NEDD4: variants seen among roughly 807,000 people sequenced by gnomAD.
NEDD4 encodes the protein E3 ubiquitin-protein ligase NEDD4.
Under a neutral mutation model 144.9 loss-of-function variants are expected in NEDD4, and 99 were observed. The observed-to-expected ratio is 0.68, with a 90% CI of 0.58 to 0.81. The LOEUF (loss-of-function observed/expected upper bound fraction) is 0.81, where lower values mean the gene tolerates loss of function less well. Among genes scored for constraint, NEDD4 ranks in the 30% least tolerant of loss-of-function variants. NEDD4 has a pLI of 0.00. For missense variants in NEDD4, 985 were observed against 1,065.9 expected, an observed-to-expected ratio of 0.92 and a Z score of 1.06; for synonymous variants, 318 against 350.6, an observed-to-expected ratio of 0.91 and a Z score of 1.04.
Position 55,985,789 on chromosome 15 carries a change from G to A in NEDD4, c.45+7722C>T, listed in dbSNP as rs987669653. Among the ~76,000 whole-genome samples, 16 of 137,644 alleles carry A rather than the reference G, an allele frequency of 1.2e-4. No homozygotes were observed. The East Asian group carries it at 2.4e-3, about 21-fold the overall frequency. The allele number at this position is 137,644 out of a possible 152,430, so 90.3% of individuals were successfully genotyped here. ...CACACACACACACACACACACACAC[G>A]CTTAACTGTTCAGAGATGGTCCAAG... On this transcript the variant is annotated intron_variant, in intron 1 of 28. Transcript: ENST00000435532.
rs554855435 is a variant in NEDD4, at chr15:55,876,700, A to T, written c.292-2692T>A. ...ACAGAAATAAACTGCACATTCTGAG[A>T]GCTAAATCCAGCCATATAAATTATG... On this transcript the variant is annotated intron_variant, in intron 5 of 28. Coordinates refer to ENST00000435532, the MANE Select transcript of NEDD4 (RefSeq NM_006154.4). Among the ~76,000 whole-genome samples the T allele has an allele frequency of 8.5e-4, 130 of 152,298 alleles. 2 individuals are homozygous for T. Among genetic ancestry groups the T allele is most frequent in the African/African-American group, 3.0e-3 (123 of 41,556 alleles).
At chr15:55,841,443 C>T (rs906938127) in intron 19 of NEDD4, among the ~76,000 whole-genome samples, 21 of 152,176 alleles carry the variant, frequency 1.4e-4, no homozygotes, top group Non-Finnish European at 3.1e-4. Flanking sequence ...TGGTGGCTGC[C>T]AGGGAATGGG....
intron 1 of NEDD4, among the ~76,000 whole-genome samples, chr15:55,977,671 C>G (rs1369085150): frequency 6.6e-6 from 1 of 151,102 alleles, no homozygotes; most frequent in Non-Finnish European, 1.5e-5. Context: ...GAATTGAAAA[C>G]CAGAGAGGAA....
chr15:55,842,156 A>G lies in NEDD4; in HGVS notation c.1616T>C (p.Ile539Thr), dbSNP rs775013997. Residue 539 changes from isoleucine to threonine, a missense_variant, in exon 19 of 29, where the codon ATT (isoleucine) becomes ACT (threonine). Coordinates refer to ENST00000435532, the MANE Select transcript of NEDD4 (RefSeq NM_006154.4). ...FRRKLKKQND[I>T]PNKFEMKLRR... Reference sequence around the variant, plus strand: ...AAGTTTCATTTCAAATTTGTTTGGAATGTCATTCTGAAAATCCAGAGGAGA... The same window carrying G: ...AAGTTTCATTTCAAATTTGTTTGGAGTGTCATTCTGAAAATCCAGAGGAGA... 3.1e-6 allele frequency: 5 copies of G among 1,613,822 alleles called. No homozygotes were observed. The East Asian group carries it at 1.1e-4, about 36-fold the overall frequency.
intron 25 of NEDD4, 39 bp downstream of exon 25, chr15:55,834,188 T>G: frequency 6.2e-7 from 1 of 1,607,334 alleles, no homozygotes; most frequent in Non-Finnish European, 8.5e-7. Context: ...AAATAATGGG[T>G]TCACAATTTC....
At chr15:55,982,448 C>A (rs1269326335) in intron 1 of NEDD4, among the ~76,000 whole-genome samples, 6 of 152,134 alleles carry the variant, frequency 3.9e-5, no homozygotes, top group African/African-American at 1.4e-4. Flanking sequence ...GCTATTGATA[C>A]AAACAACCCC....
chr15:55,880,225 G>C (rs1327388453), intron 5 of NEDD4, among the ~76,000 whole-genome samples: 1 of 152,162 alleles, frequency 6.6e-6, no homozygotes, highest in Non-Finnish European at 1.5e-5. Context: ...CCAGGAAGTG[G>C]AGGTTGCAGT....
chr15:55,862,338 G>C (rs1466387762), intron 9 of NEDD4, among the ~76,000 whole-genome samples: 1 of 151,924 alleles, frequency 6.6e-6, no homozygotes, highest in Non-Finnish European at 1.5e-5. Context: ...TATGAATAAT[G>C]GGAGATTTTA....
intron 5 of NEDD4, among the ~76,000 whole-genome samples, chr15:55,882,207 C>T (rs569555449): frequency 6.6e-6 from 1 of 152,264 alleles, no homozygotes; most frequent in Admixed American, 6.5e-5. Flanking sequence ...TCATAAGAAC[C>T]AAAAATCAGG....
chr15:55,884,494 C>T (rs1475375324), intron 5 of NEDD4, among the ~76,000 whole-genome samples: 13 of 152,002 alleles, frequency 8.6e-5, no homozygotes, highest in African/African-American at 3.1e-4. Context: ...TATATGTGAC[C>T]TTTCAGACAG....
At chr15:55,932,141 T>C (rs1263970703) in intron 4 of NEDD4, among the ~76,000 whole-genome samples, 4 of 152,180 alleles carry the variant, frequency 2.6e-5, no homozygotes, top group Non-Finnish European at 5.9e-5. Flanking sequence ...TGGGGGCGGT[T>C]ACCTGCATGC....
chr15:55,877,035 A>T (rs1134352), intron 5 of NEDD4, among the ~76,000 whole-genome samples: 32,806 of 151,928 alleles, frequency 0.22, 3,845 homozygotes, highest in Non-Finnish European at 0.26. Context: ...TTTCAGATTT[A>T]AAAAAATTGC....
At chr15:55,921,957 T>G (rs187030630) in intron 5 of NEDD4, among the ~76,000 whole-genome samples, 2 of 152,306 alleles carry the variant, frequency 1.3e-5, no homozygotes, top group Admixed American at 1.3e-4. Context: ...GTGGACAACA[T>G]GCAAATAACG....
chr15:55,886,883 T>C (rs1480500437), intron 5 of NEDD4, among the ~76,000 whole-genome samples: 1 of 151,998 alleles, frequency 6.6e-6, no homozygotes, highest in East Asian at 1.9e-4. Context: ...AATAGTATGC[T>C]CCTGAATGAA....
chr15:55,852,328 AGTATCC>A, intron 13 of NEDD4, 90 bp downstream of exon 13: 7 of 1,319,350 alleles, frequency 5.3e-6, no homozygotes, highest in Middle Eastern at 2.0e-4. Context: ...AGGTGGTAGA[AGTATCC>A]AGTGTATCCT....
chr15:55,962,504 CATA>C (rs1171985250), intron 2 of NEDD4, among the ~76,000 whole-genome samples: 1 of 152,176 alleles, frequency 6.6e-6, no homozygotes, highest in Admixed American at 6.6e-5. Flanking sequence ...AGTGCAGTGG[CATA>C]ATCTTGGCTC....
At chr15:55,838,661 A>G in intron 21 of NEDD4, 57 bp from the exon 22 acceptor site, 1 of 1,152,996 alleles carries the variant, frequency 8.7e-7, no homozygotes, top group Non-Finnish European at 1.3e-6. Context: ...CTGAAATTGC[A>G]AAAAACAGTA....
chr15:55,903,967 C>T (rs189982829), intron 5 of NEDD4, among the ~76,000 whole-genome samples: 128 of 151,792 alleles, frequency 8.4e-4, no homozygotes, highest in Admixed American at 1.4e-3. Context: ...TGAGACCAGC[C>T]TGGCCAACAC....
chr15:55,833,964 G>T (rs1429871511), intron 26 of NEDD4, 74 bp downstream of exon 26: 1 of 1,056,220 alleles, frequency 9.5e-7, no homozygotes, highest in East Asian at 2.4e-5. Flanking sequence ...CACCAGTATA[G>T]TTAATCAAGA....
Sources: gnomAD v4.1 joint callset for allele counts (sites outside exome capture counted in the v4.1 genomes callset) on GRCh38, gnomAD v4.1.1 for gene constraint, MANE v1.5 for transcripts, NCBI Gene and HGNC (gene_info 2026-07-23, HGNC 2026-07-21) for gene names.